Variants in POLR2F observed in about 807,000 individuals in gnomAD.
POLR2F encodes the protein DNA-directed RNA polymerases I, II, and III subunit RPABC2.
Under a neutral mutation model 22.7 loss-of-function variants are expected in POLR2F, and 12 were observed. The ratio of observed to expected loss-of-function variants is 0.53; its 90% CI spans 0.34 to 0.86. The LOEUF (loss-of-function observed/expected upper bound fraction) is 0.86, where lower values mean the gene tolerates loss of function less well. Among genes scored for constraint, POLR2F ranks in the 40% least tolerant of loss-of-function variants. The pLI is 0.02. For synonymous variants in POLR2F, 57 were observed against 66.0 expected, an observed-to-expected ratio of 0.86 and a Z score of 0.66; for missense variants, 126 against 171.5, an observed-to-expected ratio of 0.73 and a Z score of 1.48.
chr22:37,959,609 C>A, intron 3 of POLR2F, 133 bp downstream of exon 3: 1 of 989,068 alleles, frequency 1.0e-6, no homozygotes, highest in South Asian at 1.6e-5. Flanking sequence ...GCCGTCCCTG[C>A]GTACCAGGCA....
rs145721188 is a variant in POLR2F, at chr22:38,036,190, T to C, written c.453-4878T>C. ...CGGGGTTTTGCCATGTTGACCAGGC[T>C]GGTCTCGAGCCCCTGACCTCAGGTG... On this transcript the variant is annotated intron_variant, in intron 5 of 5. Transcript: ENST00000407936. Among the ~76,000 whole-genome samples the C allele has an allele frequency of 9.8e-3, 1,485 of 151,806 alleles. 28 individuals are homozygous for C. The highest frequency in any genetic ancestry group is 0.035 in the African/African-American group (1,437 of 41,340).
At chr22:38,023,947 T>C (rs2084983757) in intron 1 of POLR2F, among the ~76,000 whole-genome samples, 1 of 150,974 alleles carries the variant, frequency 6.6e-6, no homozygotes, top group Admixed American at 6.7e-5. Flanking sequence ...GTTCCAGCAA[T>C]TCTCCTGCCT....
intron 4 of POLR2F, chr22:37,977,749 G>C: frequency 3.5e-6 from 4 of 1,144,282 alleles, no homozygotes; most frequent in Non-Finnish European, 5.0e-6. Context: ...AGCTCTGCTG[G>C]GGCAACTGCA....
chr22:37,967,079 A>T lies in POLR2F; in HGVS notation c.222-20A>T. The T allele has an allele frequency of 6.3e-7, 1 of 1,598,312 alleles. No homozygotes were observed. The highest frequency in any genetic ancestry group is 8.6e-7 in the Non-Finnish European group (1 of 1,169,572). The stretch of plus-strand genomic sequence containing the variant: ...TCCCTGGGTTTGTAGTCTCCCTAAC[A>T]CCTGTCCCTATCCCTACAGGATGTG... On this transcript the variant is annotated intron_variant, in intron 3 of 4. Transcript: ENST00000442738.
chr22:37,995,922 C>CT (rs2084708999), intron 1 of POLR2F, among the ~76,000 whole-genome samples: 1 of 152,044 alleles, frequency 6.6e-6, no homozygotes, highest in African/African-American at 2.4e-5. Flanking sequence ...TCACCTGAGC[C>CT]TGGGAAGTTG....
At chr22:38,001,728 T>C (rs918420633) in intron 1 of POLR2F, among the ~76,000 whole-genome samples, 2 of 152,074 alleles carry the variant, frequency 1.3e-5, no homozygotes, top group Non-Finnish European at 2.9e-5. Context: ...AGATGGGGTT[T>C]CACCATGTTG....
intron 5 of POLR2F, among the ~76,000 whole-genome samples, chr22:38,038,444 G>A (rs1199767808): frequency 6.6e-6 from 1 of 152,114 alleles, no homozygotes; most frequent in Non-Finnish European, 1.5e-5. Context: ...TTGACCTGGC[G>A]GCCATGATGG....
chr22:37,984,751 C>T (rs73886216), upstream of POLR2F, among the ~76,000 whole-genome samples: 1,508 of 152,064 alleles, frequency 9.9e-3, 28 homozygotes, highest in African/African-American at 0.035. This position sits in a 1 kb window ranked among gnomAD's most constrained non-coding sequence, Gnocchi z 4.4. Flanking sequence ...TGAGGCTTAT[C>T]TTGGGCTTAG....
intron 1 of POLR2F, among the ~76,000 whole-genome samples, chr22:38,015,511 C>T (rs2084908438): frequency 1.3e-5 from 2 of 152,202 alleles, no homozygotes; most frequent in Admixed American, 1.3e-4. Flanking sequence ...CTTGAGCACT[C>T]CTCTCTCCCT....
chr22:37,998,750 T>C (rs535044859), intron 1 of POLR2F, among the ~76,000 whole-genome samples: 29 of 150,666 alleles, frequency 1.9e-4, no homozygotes, highest in African/African-American at 7.1e-4. Context: ...CCATTCTGTG[T>C]GTGGGAATTA....
At chr22:37,973,552 C>G, downstream of POLR2F, 2 of 1,612,302 alleles carry the variant, frequency 1.2e-6, no homozygotes, top group South Asian at 2.2e-5. Flanking sequence ...GGCTGTGGGA[C>G]TGGGGCCCTG....
At chr22:37,963,340 G>A (rs1931725686) in intron 3 of POLR2F, among the ~76,000 whole-genome samples, 1 of 152,176 alleles carries the variant, frequency 6.6e-6, no homozygotes, top group African/African-American at 2.4e-5. Flanking sequence ...CCGGGCTGGA[G>A]TGCAGTGGTG....
chr22:37,960,375 C>G (rs1931583805), intron 3 of POLR2F, among the ~76,000 whole-genome samples: 1 of 152,100 alleles, frequency 6.6e-6, no homozygotes, highest in African/African-American at 2.4e-5. Context: ...AGGCGTCCAC[C>G]ACCACACCTG....
chr22:38,013,760 G>GT (rs1259000833), intron 1 of POLR2F, among the ~76,000 whole-genome samples: 2 of 152,162 alleles, frequency 1.3e-5, no homozygotes, highest in African/African-American at 4.8e-5. Context: ...AAAATTTCAT[G>GT]TTTTGTGATG....
At chr22:37,994,741 G>C (rs1371067903) in intron 1 of POLR2F, among the ~76,000 whole-genome samples, 1 of 152,144 alleles carries the variant, frequency 6.6e-6, no homozygotes, top group Non-Finnish European at 1.5e-5. Flanking sequence ...CTCCTGACCT[G>C]GTGATCCACC....
rs1239800567 is a variant in POLR2F at position 37,978,322 on chromosome 22, A to G, written c.293+11152A>G. 6.6e-6 allele frequency among the ~76,000 whole-genome samples: 1 copy of G among 152,238 alleles called. No homozygotes were observed. Among genetic ancestry groups the G allele is most frequent in the East Asian group, 1.9e-4 (1 of 5,196 alleles). Reference sequence around the variant, plus strand: ...TGTGGACTGAGAGATGTGAGGCCCAAGGAATAACAGCCTCAGAGGGCTGCC... The same window carrying G: ...TGTGGACTGAGAGATGTGAGGCCCAGGGAATAACAGCCTCAGAGGGCTGCC... On this transcript the variant is annotated intron_variant, in intron 4 of 4. Transcript: ENST00000405557. This position sits in a 1 kb window ranked among gnomAD's most constrained non-coding sequence, Gnocchi z 5.0.
chr22:38,010,483 C>T (rs919753468), intron 1 of POLR2F, among the ~76,000 whole-genome samples: 4 of 151,694 alleles, frequency 2.6e-5, no homozygotes, highest in Admixed American at 6.6e-5. Context: ...TTTCCAGCAG[C>T]GAGGTTTCAG....
intron 3 of POLR2F, among the ~76,000 whole-genome samples, chr22:37,964,800 T>G (rs974187159): frequency 2.0e-5 from 3 of 152,116 alleles, no homozygotes; most frequent in Non-Finnish European, 4.4e-5. Flanking sequence ...CTTGAACTCG[T>G]GACCTCAGGT....
chr22:37,963,221 T>C (rs1003553893), intron 3 of POLR2F, among the ~76,000 whole-genome samples: 1 of 150,796 alleles, frequency 6.6e-6, no homozygotes, highest in African/African-American at 2.4e-5. Flanking sequence ...GAACTCCTGA[T>C]CTCAGGTGAT....
Sources: allele counts gnomAD v4.1 joint callset (sites outside exome capture counted in the v4.1 genomes callset), GRCh38; gene constraint gnomAD v4.1.1; non-coding constraint Gnocchi (gnomAD v3.1); transcripts MANE v1.5; gene names NCBI Gene and HGNC (gene_info 2026-07-23, HGNC 2026-07-21).